Variants in TPO observed in about 807,000 individuals in gnomAD.
The protein encoded by TPO is thyroid peroxidase.
TPO carries 78 observed loss-of-function variants against 96.9 expected under a neutral mutation model. That is an observed-to-expected ratio of 0.81 (90% CI 0.67 to 0.97). TPO has a LOEUF of 0.97. Among genes scored for constraint, TPO ranks in the 50% least tolerant of loss-of-function variants. The probability of loss-of-function intolerance (pLI) is 0.00; values close to 1 mark genes in which losing one functional copy is unlikely to be tolerated. For synonymous variants in TPO, 547 were observed against 538.0 expected, an observed-to-expected ratio of 1.02 and a Z score of -0.23; for missense variants, 1,252 against 1,274.8, an observed-to-expected ratio of 0.98 and a Z score of 0.27.
intron 8 of TPO, 58 bp downstream of exon 8, chr2:1,477,662 G>A (rs1025893620): frequency 3.3e-5 from 47 of 1,432,372 alleles, no homozygotes; most frequent in Non-Finnish European, 2.1e-5. Context: ...GGGGCGCCTC[G>A]TGTGGGTGCG....
At position 1,451,284 on chromosome 2, in the gene TPO, C is replaced by A. The variant is rs533998896; in HGVS notation, c.483-2410C>A. ...GGTTACAAACAGTTCTTAGTAGAAC[C>A]TTAGTCCTTTCATTCCTGTGCAGAA... On this transcript the variant is annotated intron_variant, in intron 5 of 16. Transcript: ENST00000329066. Among the ~76,000 whole-genome samples the A allele has an allele frequency of 3.9e-5, 6 of 152,270 alleles. No individual in the cohort carries two copies. The South Asian group carries it at 1.0e-3, about 26-fold the overall frequency.
upstream of TPO, among the ~76,000 whole-genome samples, chr2:1,409,794 GCA>G (rs10659188): frequency 9.3e-5 from 14 of 150,430 alleles, no homozygotes; most frequent in East Asian, 2.0e-3. Context: ...AACAGTGCGC[GCA>G]CACACACACA....
At position 1,435,155 on chromosome 2, in the gene TPO, G is replaced by A. The variant is rs187208348; in HGVS notation, c.350-1097G>A. On this transcript the variant is annotated intron_variant, in intron 4 of 16. Transcript: ENST00000329066. ...TCACCATGTTAGCCAGGATGGTCTC[G>A]ATCTCCTGACCTCGTAATCCACCCT... is the stretch of plus-strand genomic sequence containing the variant. 3.0e-3 allele frequency among the ~76,000 whole-genome samples: 453 copies of A among 152,206 alleles called. 3 individuals carry two copies. Among genetic ancestry groups the A allele is most frequent in the African/African-American group, 0.011 (437 of 41,528 alleles).
At chr2:1,400,751 G>A (rs572273344) in intron 1 of TPO, among the ~76,000 whole-genome samples, 1 of 152,162 alleles carries the variant, frequency 6.6e-6, no homozygotes, top group South Asian at 2.1e-4. Context: ...GTTTATCCAA[G>A]ATTTTTATCA....
chr2:1,516,024 T>C (rs1013286635), intron 14 of TPO, among the ~76,000 whole-genome samples: 2 of 152,184 alleles, frequency 1.3e-5, no homozygotes, highest in Non-Finnish European at 2.9e-5. Flanking sequence ...AAAACTGTGG[T>C]CAAAGGAGCT....
At chr2:1,453,585 C>T (rs559199714) in intron 5 of TPO, 109 bp from the exon 6 acceptor site, 49 of 1,559,588 alleles carry the variant, frequency 3.1e-5, no homozygotes, top group African/African-American at 2.2e-4. Context: ...CTTGGGCCTC[C>T]GGAGAGACCC....
chr2:1,486,292 C>CA (rs1671155825), intron 9 of TPO, among the ~76,000 whole-genome samples: 1 of 152,154 alleles, frequency 6.6e-6, no homozygotes, highest in Non-Finnish European at 1.5e-5. Context: ...GAGGCTGAGG[C>CA]AGGCGGATCA....
chr2:1,446,573 A>T (rs943920474), intron 5 of TPO, among the ~76,000 whole-genome samples: 1 of 152,226 alleles, frequency 6.6e-6, no homozygotes, highest in African/African-American at 2.4e-5. Context: ...CTTTTAAAAT[A>T]CATTCATTGG....
chr2:1,518,996 G>T (rs1390282378), intron 15 of TPO, among the ~76,000 whole-genome samples: 2 of 152,170 alleles, frequency 1.3e-5, no homozygotes, highest in Non-Finnish European at 2.9e-5. Flanking sequence ...AGAAGAGTTT[G>T]GACAGAGTCA....
intron 1 of TPO, among the ~76,000 whole-genome samples, chr2:1,404,254 G>A (rs759566858): frequency 5.9e-5 from 9 of 152,132 alleles, no homozygotes; most frequent in South Asian, 4.1e-4. Flanking sequence ...TCTCAAGGGA[G>A]GAAATGTGTT....
intron 1 of TPO, among the ~76,000 whole-genome samples, chr2:1,407,700 C>T (rs1662267906): frequency 6.6e-6 from 1 of 152,124 alleles, no homozygotes; most frequent in African/African-American, 2.4e-5. Flanking sequence ...ACCAGATGAG[C>T]ACAACATCCT....
intron 15 of TPO, among the ~76,000 whole-genome samples, chr2:1,539,051 G>A (rs1026923024): frequency 2.0e-5 from 3 of 152,002 alleles, no homozygotes; most frequent in Admixed American, 2.0e-4. Context: ...CCCTACCCCA[G>A]TATAGACTCA....
chr2:1,448,444 A>G (rs1667021470), intron 5 of TPO, among the ~76,000 whole-genome samples: 1 of 151,980 alleles, frequency 6.6e-6, no homozygotes, highest in Non-Finnish European at 1.5e-5. Flanking sequence ...TCATCCTCAG[A>G]GCCATCCCCT....
intron 15 of TPO, among the ~76,000 whole-genome samples, chr2:1,531,927 TGCAACCTCCTCAAATCCCCCCACTGCGA>T: frequency 1.1e-5 from 1 of 94,482 alleles, no homozygotes; most frequent in East Asian, 3.6e-4. Context: ...CCCCACTGTG[TGCAACCTCCTCAAATCCCCCCACTGCGA>T]GCAACCTCCT....
intron 8 of TPO, among the ~76,000 whole-genome samples, chr2:1,481,289 A>T (rs1670617349): frequency 6.6e-6 from 1 of 152,186 alleles, no homozygotes; most frequent in Non-Finnish European, 1.5e-5. Flanking sequence ...CCTTCCCAGC[A>T]CAGGTGTGAG....
chr2:1,440,746 A>G (rs1407435696), intron 5 of TPO, among the ~76,000 whole-genome samples: 1 of 150,676 alleles, frequency 6.6e-6, no homozygotes, highest in Non-Finnish European at 1.5e-5. Context: ...TGTATGATCT[A>G]GTCAGTGCCG....
chr2:1,526,114 C>G (rs1195518250), intron 15 of TPO, among the ~76,000 whole-genome samples: 1 of 107,906 alleles, frequency 9.3e-6, no homozygotes, highest in Admixed American at 9.7e-5. Context: ...CCAAATCCCC[C>G]CGACTCTGTG....
chr2:1,436,915 C>G (rs1035690529), intron 5 of TPO, among the ~76,000 whole-genome samples: 14 of 152,192 alleles, frequency 9.2e-5, no homozygotes, highest in African/African-American at 3.1e-4. Context: ...ATCTCAGCAC[C>G]CTCCTTCTCA....
In TPO at chr2:1,533,878, C is replaced by T. The variant is rs531117245; in HGVS notation, c.2619-6716C>T. Among the ~76,000 whole-genome samples the T allele has an allele frequency of 5.1e-4, 55 of 107,196 alleles. 6 individuals carry two copies. The highest frequency in any genetic ancestry group is 1.8e-3 in the African/African-American group (53 of 30,012). The allele number at this position is 107,196 out of a possible 152,430, so 70.3% of individuals were successfully genotyped here. On this transcript the variant is annotated intron_variant, in intron 15 of 16. Transcript: ENST00000329066. ...TTGTGAAACCTCCCCAAATCCCCCCCACTCTGTGTGCAACCTCCCCAGATC... is the reference window on the plus strand; with the variant it reads ...TTGTGAAACCTCCCCAAATCCCCCCTACTCTGTGTGCAACCTCCCCAGATC...
Sources: gnomAD v4.1 joint callset for allele counts (sites outside exome capture counted in the v4.1 genomes callset) on GRCh38, gnomAD v4.1.1 for gene constraint, MANE v1.5 for transcripts, NCBI Gene and HGNC (gene_info 2026-07-23, HGNC 2026-07-21) for gene names.